XYLT1: variants seen among roughly 807,000 people sequenced by gnomAD.
XYLT1 encodes the protein xylosyltransferase 1, also known as beta-D-xylosyltransferase 1.
A neutral mutation model predicts 91.3 loss-of-function variants in XYLT1; 36 were observed. The observed-to-expected ratio is 0.39, with a 90% CI of 0.30 to 0.52. The LOEUF (loss-of-function observed/expected upper bound fraction) is 0.52, where lower values mean the gene tolerates loss of function less well. XYLT1 is among the 20% of genes least tolerant of loss of function. The pLI is 0.68. For synonymous variants in XYLT1, 588 were observed against 532.0 expected, an observed-to-expected ratio of 1.11 and a Z score of -1.45; for missense variants, 1,242 against 1,284.5, an observed-to-expected ratio of 0.97 and a Z score of 0.51.
chr16:17,251,728 G>A (rs1276393644), intron 3 of XYLT1, among the ~76,000 whole-genome samples: 1 of 152,200 alleles, frequency 6.6e-6, no homozygotes, highest in African/African-American at 2.4e-5. Context: ...ATGGGTCGCA[G>A]GTGAAACAGC....
chr16:17,381,098 TAATGTTTGAAACTCAGAA>T (rs1426812407), intron 1 of XYLT1, among the ~76,000 whole-genome samples: 2 of 152,204 alleles, frequency 1.3e-5, no homozygotes, highest in Non-Finnish European at 2.9e-5. Flanking sequence ...AATTAATCGC[TAATGTTTGAAACTCAGAA>T]AATGTAAACA....
chr16:17,452,109 T>C (rs1279457811), intron 1 of XYLT1, among the ~76,000 whole-genome samples: 1 of 152,162 alleles, frequency 6.6e-6, no homozygotes, highest in African/African-American at 2.4e-5. Context: ...TGAGCAAGCA[T>C]TGAGAATTAA....
intron 11 of XYLT1, among the ~76,000 whole-genome samples, chr16:17,111,135 G>C (rs534866749): frequency 3.9e-5 from 6 of 152,252 alleles, no homozygotes; most frequent in Non-Finnish European, 8.8e-5. Flanking sequence ...ACTCCAGCCT[G>C]GTCGATAGAG....
chr16:17,134,516 G>C lies in XYLT1; in HGVS notation c.1984C>G (p.Arg662Gly), dbSNP rs776314298. 1.2e-6 allele frequency: 2 copies of C among 1,614,020 alleles called. No homozygotes were observed. The highest frequency in any genetic ancestry group is 1.7e-5 in the Admixed American group (1 of 60,000). Residue 662 changes from arginine (R) to glycine (G), a missense_variant, in exon 9 of 12, where the codon CGG (arginine) becomes GGG (glycine). Physicochemically the swap from Arg to Gly is moderately radical, Grantham distance 125. Coordinates refer to ENST00000261381, the MANE Select transcript of XYLT1 (RefSeq NM_022166.4). ...TCCGTGTGCAGGGACGTCTCGGCCC[G>C]TCGAAGACCCAGGCGGGCAAAGGAG... is the stretch of plus-strand genomic sequence containing the variant. ...YHSFARLGLR[R>G]AETSLHTDGE...
rs946005391 is a variant in XYLT1 at position 17,161,679 on chromosome 16, T to G, written c.1290-2770A>C. ...TACCCCGTTCCAGTTTCTCGCGCGC[T>G]CTCTCTCTCTCTCTCTCTCTTCCAC... is the stretch of plus-strand genomic sequence containing the variant. On this transcript the variant is annotated intron_variant, in intron 5 of 11. Coordinates refer to ENST00000261381, the MANE Select transcript of XYLT1 (RefSeq NM_022166.4). 4.7e-5 allele frequency among the ~76,000 whole-genome samples: 7 copies of G among 149,740 alleles called. No homozygotes were observed. The South Asian group carries it at 6.4e-4, about 14-fold the overall frequency.
chr16:17,164,383 G>A (rs117353934), intron 5 of XYLT1, among the ~76,000 whole-genome samples: 2,657 of 151,462 alleles, frequency 0.018, 67 homozygotes, highest in Non-Finnish European at 0.021. Context: ...TGATATGTCT[G>A]TAGACCATCT....
At chr16:17,456,183 C>G (rs1387524888) in intron 1 of XYLT1, among the ~76,000 whole-genome samples, 2 of 151,884 alleles carry the variant, frequency 1.3e-5, no homozygotes, top group African/African-American at 2.4e-5. Context: ...TAGATGTCCA[C>G]GTCCACAGTC....
At chr16:17,170,577 C>A (rs1320292815) in intron 5 of XYLT1, among the ~76,000 whole-genome samples, 2 of 152,174 alleles carry the variant, frequency 1.3e-5, no homozygotes, top group Non-Finnish European at 2.9e-5. Flanking sequence ...CTCCTGCTTG[C>A]CTTTGCAAAA....
At chr16:17,186,467 A>ATTTT (rs55895412) in intron 5 of XYLT1, among the ~76,000 whole-genome samples, 42,028 of 132,032 alleles carry the variant, frequency 0.32, 7,283 homozygotes, top group South Asian at 0.57. Context: ...CACCTGGTTA[A>ATTTT]TTTTTTTTTT....
At chr16:17,398,780 T>A (rs1018154986) in intron 1 of XYLT1, among the ~76,000 whole-genome samples, 10 of 148,628 alleles carry the variant, frequency 6.7e-5, no homozygotes, top group Non-Finnish European at 1.5e-4. Context: ...CTTCACAAAG[T>A]GTCCTCCCTG....
intron 1 of XYLT1, among the ~76,000 whole-genome samples, chr16:17,463,950 G>A (rs890360917): frequency 1.3e-5 from 2 of 152,164 alleles, no homozygotes; most frequent in South Asian, 2.1e-4. Flanking sequence ...TGAATAAACC[G>A]GAGGCCATCA....
intron 1 of XYLT1, among the ~76,000 whole-genome samples, chr16:17,430,606 T>C (rs904784129): frequency 6.6e-5 from 10 of 152,198 alleles, no homozygotes; most frequent in African/African-American, 2.2e-4. Context: ...GTGCCTCTCA[T>C]GGCTCCTCTC....
At chr16:17,305,417 CT>C (rs35534038) in intron 2 of XYLT1, among the ~76,000 whole-genome samples, 68,103 of 129,800 alleles carry the variant, frequency 0.52, 16,851 homozygotes, top group African/African-American at 0.65. Context: ...TCTTCTTCTT[CT>C]TTTTTTTTTT....
intron 2 of XYLT1, among the ~76,000 whole-genome samples, chr16:17,278,101 T>G (rs949019640): frequency 6.6e-6 from 1 of 152,218 alleles, no homozygotes; most frequent in Non-Finnish European, 1.5e-5. Context: ...AGTTTGCTAC[T>G]GGAGAAGTTC....
intron 6 of XYLT1, among the ~76,000 whole-genome samples, chr16:17,148,023 G>C (rs990674103): frequency 2.0e-5 from 3 of 152,206 alleles, no homozygotes; most frequent in African/African-American, 7.2e-5. Context: ...ACAGCAAACA[G>C]ACATTGGGTG....
At chr16:17,187,038 T>C (rs1423313638) in intron 5 of XYLT1, among the ~76,000 whole-genome samples, 1 of 151,778 alleles carries the variant, frequency 6.6e-6, no homozygotes, top group Non-Finnish European at 1.5e-5. Context: ...TTCAGAGAAA[T>C]GGGGGAACCA....
intron 1 of XYLT1, among the ~76,000 whole-genome samples, chr16:17,469,816 T>G (rs2036956847): frequency 1.3e-5 from 2 of 151,330 alleles, no homozygotes; most frequent in African/African-American, 4.9e-5. Context: ...GACGGCAAGG[T>G]TAGAGACAGA....
chr16:17,410,175 C>T (rs1202980533), intron 1 of XYLT1, among the ~76,000 whole-genome samples: 1 of 152,186 alleles, frequency 6.6e-6, no homozygotes, highest in African/African-American at 2.4e-5. Flanking sequence ...ACATAACTTG[C>T]TCTTTCAGGA....
At chr16:17,271,046 A>G (rs1048382771) in intron 2 of XYLT1, among the ~76,000 whole-genome samples, 6 of 152,236 alleles carry the variant, frequency 3.9e-5, no homozygotes, top group Non-Finnish European at 7.3e-5. Context: ...GGACAGAGGG[A>G]GAGAGAGCAG....
Sources: allele counts gnomAD v4.1 joint callset (sites outside exome capture counted in the v4.1 genomes callset), GRCh38; gene constraint gnomAD v4.1.1; transcripts MANE v1.5; gene names NCBI Gene and HGNC (gene_info 2026-07-23, HGNC 2026-07-21).